The following VTI1A variants were observed in gnomAD, a reference collection of about 807,000 sequenced individuals.
VTI1A encodes vesicle transport through interaction with t-SNAREs 1A.
VTI1A carries 22 observed loss-of-function variants against 34.9 expected under a neutral mutation model. The ratio of observed to expected loss-of-function variants is 0.63; its 90% CI spans 0.45 to 0.90. The LOEUF is 0.90. VTI1A is among the 40% of genes least tolerant of loss of function. The pLI is 0.00. For synonymous variants in VTI1A, 87 were observed against 97.3 expected, an observed-to-expected ratio of 0.89 and a Z score of 0.62; for missense variants, 268 against 275.6, an observed-to-expected ratio of 0.97 and a Z score of 0.20.
chr10:112,453,271 T>C (rs1049443682), intron 1 of VTI1A, among the ~76,000 whole-genome samples: 1 of 152,216 alleles, frequency 6.6e-6, no homozygotes, highest in African/African-American at 2.4e-5. Context: ...TCACTACTGA[T>C]GTTAACCTTT....
intron 5 of VTI1A, among the ~76,000 whole-genome samples, chr10:112,619,063 GTTT>G (rs34173451): frequency 6.2e-5 from 9 of 146,188 alleles, no homozygotes; most frequent in African/African-American, 2.3e-4. Context: ...AGTAAACACA[GTTT>G]TTTTTTTTTT....
intron 5 of VTI1A, among the ~76,000 whole-genome samples, chr10:112,640,277 TTATC>T (rs1846518103): frequency 6.6e-6 from 1 of 152,190 alleles, no homozygotes; most frequent in African/African-American, 2.4e-5. Flanking sequence ...CATTAAAATA[TTATC>T]TATCTATGAA....
At chr10:112,611,468 T>G (rs1463799291) in intron 5 of VTI1A, among the ~76,000 whole-genome samples, 1 of 152,190 alleles carries the variant, frequency 6.6e-6, no homozygotes, top group Non-Finnish European at 1.5e-5. Context: ...TCTGATCACT[T>G]GTGTAAAATG....
At chr10:112,768,612 C>T in intron 7 of VTI1A, among the ~76,000 whole-genome samples, 1 of 152,128 alleles carries the variant, frequency 6.6e-6, no homozygotes. Flanking sequence ...GTTAGGATTT[C>T]AGATTAAGAG....
intron 7 of VTI1A, among the ~76,000 whole-genome samples, chr10:112,749,474 C>T (rs1019007309): frequency 6.6e-6 from 1 of 152,178 alleles, no homozygotes; most frequent in Non-Finnish European, 1.5e-5. Context: ...GCTGCTTCAC[C>T]CTTGATAGGA....
chr10:112,626,574 A>G (rs1011252328), intron 5 of VTI1A, among the ~76,000 whole-genome samples: 2 of 151,156 alleles, frequency 1.3e-5, no homozygotes, highest in African/African-American at 2.4e-5. Context: ...CCTAACAAGT[A>G]TTTGCAAAAA....
chr10:112,767,724 G>A lies in VTI1A; in HGVS notation c.561-47566G>A, dbSNP rs563930185. ...TTCTCTGTATTCTCCCAATTTTCTT[G>A]GTTGCGATGAAAAAATAATAATTTT... is the stretch of plus-strand genomic sequence containing the variant. On this transcript the variant is annotated intron_variant, in intron 7 of 7. Coordinates refer to ENST00000393077, the MANE Select transcript of VTI1A (RefSeq NM_145206.4). This position sits in a 1 kb window ranked among gnomAD's most constrained non-coding sequence, Gnocchi z 4.0. 4.0e-5 allele frequency among the ~76,000 whole-genome samples: 6 copies of A among 150,418 alleles called. No homozygotes were observed. The highest frequency in any genetic ancestry group is 1.3e-4 in the Admixed American group (2 of 15,134).
chr10:112,685,129 T>C (rs940336791), intron 7 of VTI1A, among the ~76,000 whole-genome samples: 1 of 152,252 alleles, frequency 6.6e-6, no homozygotes, highest in Non-Finnish European at 1.5e-5. Flanking sequence ...CTATATATGA[T>C]GACTTTCACT....
rs1316417136 is a variant in VTI1A, at chr10:112,811,371, A to T, written c.561-3919A>T. Among the ~76,000 whole-genome samples, 12 of 152,204 alleles carry T rather than the reference A, an allele frequency of 7.9e-5. 1 individual carries two copies. The highest frequency in any genetic ancestry group is 7.9e-4 in the Admixed American group (12 of 15,286). On this transcript the variant is annotated intron_variant, in intron 7 of 7. Transcript: ENST00000393077. ...AACTTTTGCTCTCATTTCTTTAGCC[A>T]AAGCTAGTTCCATGACCAAGCCTAA... is the stretch of plus-strand genomic sequence containing the variant.
At chr10:112,533,264 G>A (rs1468480109) in intron 4 of VTI1A, among the ~76,000 whole-genome samples, 1 of 151,888 alleles carries the variant, frequency 6.6e-6, no homozygotes. Flanking sequence ...ATTTCATGAT[G>A]GTGTCTTAGA....
chr10:112,541,796 G>T (rs1850881226), intron 5 of VTI1A, among the ~76,000 whole-genome samples: 1 of 152,216 alleles, frequency 6.6e-6, no homozygotes, highest in African/African-American at 2.4e-5. Flanking sequence ...TTATTCCTAA[G>T]TGCTGTTCAC....
At chr10:112,635,796 C>T (rs1846331548) in intron 5 of VTI1A, among the ~76,000 whole-genome samples, 1 of 152,156 alleles carries the variant, frequency 6.6e-6, no homozygotes, top group Non-Finnish European at 1.5e-5. Flanking sequence ...CCAAGAGACC[C>T]ACTTGATTCG....
chr10:112,788,307 C>T (rs1203436526), intron 7 of VTI1A, among the ~76,000 whole-genome samples: 3 of 152,054 alleles, frequency 2.0e-5, no homozygotes, highest in Non-Finnish European at 4.4e-5. Context: ...GTTTTTGCTT[C>T]ACGTTTTTCA....
intron 7 of VTI1A, among the ~76,000 whole-genome samples, chr10:112,730,106 T>G (rs1242734314): frequency 6.6e-6 from 1 of 152,268 alleles, no homozygotes; most frequent in Non-Finnish European, 1.5e-5. Flanking sequence ...TGGAAAATTA[T>G]GCTGGCCTTT....
At chr10:112,527,250 C>G in intron 4 of VTI1A, 86 bp downstream of exon 4, 1 of 1,177,762 alleles carries the variant, frequency 8.5e-7, no homozygotes. Context: ...TGCTCCTTAA[C>G]GGTATTAGCA....
Position 112,767,167 on chromosome 10 carries a change from T to A in VTI1A, c.561-48123T>A, listed in dbSNP as rs958569085. Among the ~76,000 whole-genome samples the A allele has an allele frequency of 2.0e-5, 3 of 152,220 alleles. No homozygotes were observed. The highest frequency in any genetic ancestry group is 4.4e-5 in the Non-Finnish European group (3 of 68,040). The stretch of plus-strand genomic sequence containing the variant: ...ATAGTAATAGCTAGCATTTATTGAG[T>A]GCCTTACTGTGTGTCAGGTACTGTG... On this transcript the variant is annotated intron_variant, in intron 7 of 7. Transcript: ENST00000393077. The surrounding 1 kb of genome is among the most constrained non-coding windows in gnomAD (Gnocchi z 4.0).
chr10:112,452,738 G>GTT (rs770102039), intron 1 of VTI1A, among the ~76,000 whole-genome samples: 2 of 137,784 alleles, frequency 1.5e-5, no homozygotes, highest in African/African-American at 2.7e-5. Context: ...TTTTGTTTTT[G>GTT]TTTTTTTTTT....
At chr10:112,486,492 G>A (rs1259684303) in intron 3 of VTI1A, among the ~76,000 whole-genome samples, 3 of 151,982 alleles carry the variant, frequency 2.0e-5, no homozygotes, top group Non-Finnish European at 2.9e-5. Flanking sequence ...GTACATCCTT[G>A]ATGTTTTCTT....
chr10:112,577,930 A>G (rs1437328521), intron 5 of VTI1A, among the ~76,000 whole-genome samples: 3 of 152,210 alleles, frequency 2.0e-5, no homozygotes, highest in African/African-American at 4.8e-5. Flanking sequence ...CCCATTTTCT[A>G]TTCTCATTTC....
Sources: gnomAD v4.1 joint callset for allele counts (sites outside exome capture counted in the v4.1 genomes callset) on GRCh38, gnomAD v4.1.1 for gene constraint, Gnocchi (gnomAD v3.1) non-coding constraint, MANE v1.5 for transcripts, NCBI Gene and HGNC (gene_info 2026-07-23, HGNC 2026-07-21) for gene names.